Variants in FOXO3 observed in about 807,000 individuals in gnomAD.
FOXO3 encodes forkhead box protein O3.
A neutral mutation model predicts 41.9 loss-of-function variants in FOXO3; 4 were observed. That is an observed-to-expected ratio of 0.10 (90% CI 0.05 to 0.22). FOXO3 has a LOEUF of 0.22. Ranked by LOEUF, FOXO3 falls within the 10% of genes least tolerant of loss-of-function variation. FOXO3 has a pLI of 1.00. For synonymous variants in FOXO3, 318 were observed against 389.3 expected, an observed-to-expected ratio of 0.82 and a Z score of 2.16; for missense variants, 534 against 906.8, an observed-to-expected ratio of 0.59 and a Z score of 5.28.
chr6:108,631,213 C>T (rs531196779), intron 1 of FOXO3, among the ~76,000 whole-genome samples: 2 of 152,126 alleles, frequency 1.3e-5, no homozygotes, highest in African/African-American at 2.4e-5. Context: ...TAGATGGGCA[C>T]CTGGGGAAAT....
Position 108,664,769 on chromosome 6 carries a change from A to G in FOXO3, c.1936A>G (p.Ile646Val), listed in dbSNP as rs1779000529. ...DGLDFNFDSL[I>V]STQNVVGLNV... ...GTTGGATTTTAACTTTGATTCCCTC[A>G]TCTCCACACAGAATGTTGTTGGTTT... Residue 646 changes from isoleucine to valine, a missense_variant, in exon 2 of 3, where the codon ATC becomes GTC. Ile to Val is a conservative substitution (Grantham distance 29, BLOSUM62 3). Transcript: ENST00000406360. 1 of 1,449,432 alleles carries G rather than the reference A, an allele frequency of 6.9e-7. No homozygotes were observed. The highest frequency in any genetic ancestry group is 1.8e-5 in the Admixed American group (1 of 54,392). The allele number at this position is 1,449,432 out of a possible 1,614,324, so 89.8% of individuals were successfully genotyped here. A position where few individuals can be genotyped will look rare whatever the true frequency, so the allele number is the denominator to read the frequency against.
Position 108,663,494 on chromosome 6 carries a change from A to C in FOXO3, c.661A>C (p.Met221Leu), listed in dbSNP as rs1778931803. 6.2e-7 allele frequency: 1 copy of C among 1,608,164 alleles called. No individual in the cohort carries two copies. The highest frequency in any genetic ancestry group is 1.7e-5 in the Admixed American group (1 of 59,132). Residue 221 changes from methionine to leucine, a missense_variant, in exon 2 of 3, where the codon ATG becomes CTG. By Grantham distance (15) the Met-to-Leu change is conservative (BLOSUM62 2). This residue lies in a region of FOXO3 where 77 missense variants were observed against 193.2 expected (regional missense o/e 0.40). Transcript: ENST00000406360. ...RHNLSLHSRF[M>L]RVQNEGTGKS... is the part of the protein sequence containing the mutation. ...CAACCTGTCACTGCATAGTCGATTC[A>C]TGCGGGTCCAGAATGAGGGAACTGG...
chr6:108,662,301 A>G (rs1053499839), intron 1 of FOXO3, among the ~76,000 whole-genome samples: 4 of 152,198 alleles, frequency 2.6e-5, no homozygotes, highest in African/African-American at 7.2e-5. Context: ...TTATCAGCTC[A>G]TCTTATCCTT....
chr6:108,678,893 A>ATTTTTTTTTTTT, intron 2 of FOXO3, among the ~76,000 whole-genome samples: 1 of 13,040 alleles, frequency 7.7e-5, no homozygotes, highest in African/African-American at 1.0e-4. Context: ...TTTTTTTTTG[A>ATTTTTTTTTTTT]GACGGAGTCT....
intron 1 of FOXO3, among the ~76,000 whole-genome samples, chr6:108,641,219 A>G (rs778816274): frequency 1.3e-5 from 2 of 152,154 alleles, no homozygotes; most frequent in African/African-American, 4.8e-5. Context: ...TGGAAACTCA[A>G]TTATTTCAAT....
chr6:108,578,471 T>G (rs1053766001), intron 1 of FOXO3, among the ~76,000 whole-genome samples: 7 of 152,188 alleles, frequency 4.6e-5, no homozygotes, highest in African/African-American at 1.7e-4. Flanking sequence ...TTCCCACAGA[T>G]CTGTGCTGCT....
intron 1 of FOXO3, chr6:108,618,081 T>G (rs868445433): frequency 5.3e-6 from 4 of 751,118 alleles, no homozygotes; most frequent in Non-Finnish European, 9.8e-6. Flanking sequence ...GTGTGTCTTT[T>G]TCATTGATTT....
intron 1 of FOXO3, among the ~76,000 whole-genome samples, chr6:108,574,216 T>C (rs1381590429): frequency 6.7e-6 from 1 of 149,802 alleles, no homozygotes; most frequent in African/African-American, 2.5e-5. Context: ...AGAGTAGGAA[T>C]GGCTTGAGAA....
rs2128394132 is a variant in FOXO3 at position 108,680,755 on chromosome 6, A to G, written c.*963A>G. ...AGTTTTAAGGAGAAAGAAAAGGAAAAAAAAAAAAAACAAAAAAGTCCTGTT... is the reference window on the plus strand; with the variant it reads ...AGTTTTAAGGAGAAAGAAAAGGAAAGAAAAAAAAAACAAAAAAGTCCTGTT... On this transcript the variant is annotated 3_prime_UTR_variant, in exon 3 of 3. Transcript: ENST00000406360. 1 of 152,142 alleles carries G rather than the reference A, an allele frequency of 6.6e-6. No homozygotes were observed. The allele number at this position is 152,142 out of a possible 1,614,324, so 9.4% of individuals were successfully genotyped here.
At chr6:108,598,042 GA>G (rs1369601645) in intron 1 of FOXO3, among the ~76,000 whole-genome samples, 1 of 152,128 alleles carries the variant, frequency 6.6e-6, no homozygotes, top group Non-Finnish European at 1.5e-5. Flanking sequence ...AAGCAAGCAA[GA>G]AAAAACTTAA....
At chr6:108,630,435 TTGTGGC>T (rs1365902458) in intron 1 of FOXO3, among the ~76,000 whole-genome samples, 1 of 152,110 alleles carries the variant, frequency 6.6e-6, no homozygotes, top group African/African-American at 2.4e-5. Flanking sequence ...AGGTATGTCT[TTGTGGC>T]TGTGAGACTT....
chr6:108,588,525 C>T (rs773141527), intron 1 of FOXO3, among the ~76,000 whole-genome samples: 1 of 152,158 alleles, frequency 6.6e-6, no homozygotes, highest in Non-Finnish European at 1.5e-5. Flanking sequence ...GTGAGATATG[C>T]GTGCAGACAC....
intron 1 of FOXO3, among the ~76,000 whole-genome samples, chr6:108,583,317 C>A (rs1279199892): frequency 6.6e-6 from 1 of 152,192 alleles, no homozygotes. Context: ...CCTAATAAAC[C>A]TTTGAACCTT....
At position 108,568,162 on chromosome 6, in the gene FOXO3, C is replaced by T. The variant is rs370855440; in HGVS notation, c.621+6333C>T. Among the ~76,000 whole-genome samples the T allele has an allele frequency of 1.2e-4, 18 of 150,978 alleles. No homozygotes were observed. In the South Asian group the frequency reaches 1.7e-3, roughly 14 times the overall value. ...CAGGAGTTTGAGACTGCAGTGAGCACGACTGCACCACTGCACTCCAGCCTG... is the reference window on the plus strand; with the variant it reads ...CAGGAGTTTGAGACTGCAGTGAGCATGACTGCACCACTGCACTCCAGCCTG... On this transcript the variant is annotated intron_variant, in intron 1 of 2. Transcript: ENST00000406360.
In FOXO3 at chr6:108,618,414, T is replaced by G. The variant is rs1777575100; in HGVS notation, c.622-45041T>G. 4.0e-5 allele frequency: 19 copies of G among 471,670 alleles called. No homozygotes were observed. The Admixed American group carries it at 6.4e-4, about 16-fold the overall frequency. 29.2% of individuals were successfully genotyped at this position (471,670 alleles called of 1,614,324 possible). ...GCAGCAGCAGATGAAGGAGAGGGAA[T>G]TTTACTTCATTGAGTGCTAGATTTT... On this transcript the variant is annotated intron_variant, in intron 1 of 2. Coordinates refer to ENST00000406360, the MANE Select transcript of FOXO3 (RefSeq NM_001455.4).
chr6:108,675,397 C>T (rs915202168), intron 2 of FOXO3, among the ~76,000 whole-genome samples: 3 of 152,176 alleles, frequency 2.0e-5, no homozygotes, highest in Non-Finnish European at 2.9e-5. Context: ...GACCTTGTCA[C>T]CAGCCTTCCC....
intron 1 of FOXO3, among the ~76,000 whole-genome samples, chr6:108,652,356 C>A (rs1414568399): frequency 6.6e-6 from 1 of 152,252 alleles, no homozygotes; most frequent in Non-Finnish European, 1.5e-5. Flanking sequence ...GTGGCTCCAA[C>A]AAGGCTTGCT....
intron 1 of FOXO3, among the ~76,000 whole-genome samples, chr6:108,633,647 C>G (rs1436377119): frequency 6.6e-6 from 1 of 152,106 alleles, no homozygotes; most frequent in Non-Finnish European, 1.5e-5. Context: ...CAATGAAGCT[C>G]TTTGACATGG....
rs1321459699 is a variant in FOXO3 at position 108,664,056 on chromosome 6, T to C, written c.1223T>C (p.Met408Thr). ...CAGCCATCGCCCACTGGGGGACTCA[T>C]GCAGCGGAGCTCTAGCTTCCCGTAT... ...PSQPSPTGGL[M>T]QRSSSFPYTT... Residue 408 changes from methionine (M) to threonine (T), a missense_variant, in exon 2 of 3, where the codon ATG (methionine) becomes ACG (threonine). Coordinates refer to ENST00000406360, the MANE Select transcript of FOXO3 (RefSeq NM_001455.4). The C allele has an allele frequency of 5.6e-6, 9 of 1,614,196 alleles. No individual in the cohort carries two copies. Among genetic ancestry groups the C allele is most frequent in the Non-Finnish European group, 6.8e-6 (8 of 1,180,038 alleles).
Sources: gnomAD v4.1 joint callset for allele counts (sites outside exome capture counted in the v4.1 genomes callset) on GRCh38, gnomAD v4.1.1 for gene constraint, gnomAD v4.1.1 regional missense constraint, MANE v1.5 for transcripts, NCBI Gene and HGNC (gene_info 2026-07-23, HGNC 2026-07-21) for gene names.